Variants in NEDD4 observed in about 807,000 individuals in gnomAD.
The protein encoded by NEDD4 is NEDD4 E3 ubiquitin protein ligase.
NEDD4 carries 99 observed loss-of-function variants against 144.9 expected under a neutral mutation model. That is an observed-to-expected ratio of 0.68 (90% CI 0.58 to 0.81). The LOEUF is 0.81. Among genes scored for constraint, NEDD4 ranks in the 30% least tolerant of loss-of-function variants. NEDD4 has a pLI of 0.00. For synonymous variants in NEDD4, 318 were observed against 350.6 expected (o/e 0.91, Z 1.04); for missense variants, 985 against 1,065.9 (o/e 0.92, Z 1.06).
rs1595894595 is a variant in NEDD4 at position 55,993,507 on chromosome 15, G to A, written c.45+4C>T. The A allele has an allele frequency of 6.3e-7, 1 of 1,596,240 alleles. No individual in the cohort carries two copies. Among genetic ancestry groups the A allele is most frequent in the Middle Eastern group, 2.3e-4 (1 of 4,394 alleles). On this transcript the variant is annotated splice_donor_region_variant and intron_variant, in intron 1 of 28. Transcript: ENST00000435532. ...CCCGCCCCGCAGCCCCGCGGTCCCCGCACCTCGTCCTCCAGGAGCCCGAAC... is the reference window on the plus strand; with the variant it reads ...CCCGCCCCGCAGCCCCGCGGTCCCCACACCTCGTCCTCCAGGAGCCCGAAC...
intron 5 of NEDD4, 173 bp downstream of exon 5, chr15:55,924,473 G>A (rs1003897177): frequency 5.1e-6 from 3 of 584,780 alleles, no homozygotes; most frequent in Middle Eastern, 4.7e-4. Context: ...GAAAGGGAGC[G>A]AGTAGGACCA....
chr15:55,916,129 G>A, intron 5 of NEDD4: 1 of 1,613,886 alleles, frequency 6.2e-7, no homozygotes, highest in Non-Finnish European at 8.5e-7. Context: ...TGGACAAAAG[G>A]ATCTGTACTT....
At chr15:55,933,456 A>C (rs2036821768) in intron 4 of NEDD4, among the ~76,000 whole-genome samples, 1 of 147,148 alleles carries the variant, frequency 6.8e-6, no homozygotes, top group Non-Finnish European at 1.5e-5. Flanking sequence ...GCATGTTCTC[A>C]CTCACAGGTG....
At position 55,856,766 on chromosome 15, in the gene NEDD4, C is replaced by T. The variant is rs565783428; in HGVS notation, c.961-570G>A. ...CTTCGCAATCTACCCCCTGGACATTCCAGACTACTTGTTTCCTGGAAATCT... is the reference window on the plus strand; with the variant it reads ...CTTCGCAATCTACCCCCTGGACATTTCAGACTACTTGTTTCCTGGAAATCT... On this transcript the variant is annotated intron_variant, in intron 11 of 28. Transcript: ENST00000435532. Among the ~76,000 whole-genome samples the T allele has an allele frequency of 2.0e-5, 3 of 152,184 alleles. No individual in the cohort carries two copies. The South Asian group carries it at 6.2e-4, about 32-fold the overall frequency.
chr15:55,993,402 A>C, intron 1 of NEDD4, 109 bp downstream of exon 1: 2 of 1,365,810 alleles, frequency 1.5e-6, no homozygotes, highest in Non-Finnish European at 2.0e-6. Flanking sequence ...CCGAGGGAGG[A>C]GGGGCTGACA....
chr15:55,853,012 A>C (rs1471750075), intron 12 of NEDD4, among the ~76,000 whole-genome samples: 1 of 152,102 alleles, frequency 6.6e-6, no homozygotes, highest in Non-Finnish European at 1.5e-5. Flanking sequence ...GGCCTCCCCA[A>C]AGTGCTGGGA....
intron 4 of NEDD4, among the ~76,000 whole-genome samples, chr15:55,943,809 G>A (rs72734327): frequency 0.13 from 20,419 of 152,116 alleles, 1,500 homozygotes; most frequent in East Asian, 0.32. Flanking sequence ...CCCCAGAATG[G>A]GAGATTGACT....
intron 17 of NEDD4, 65 bp from the exon 18 acceptor site, chr15:55,847,099 T>C (rs2033782592): frequency 3.6e-6 from 4 of 1,099,660 alleles, no homozygotes; most frequent in Non-Finnish European, 5.4e-6. Context: ...ACAATTTTTA[T>C]TTGTTGTATT....
chr15:55,884,603 A>T (rs1555399561), intron 5 of NEDD4, among the ~76,000 whole-genome samples: 1 of 152,110 alleles, frequency 6.6e-6, no homozygotes, highest in Non-Finnish European at 1.5e-5. Flanking sequence ...AAAGAGATTA[A>T]AATAATTAAA....
At chr15:55,838,449 A>G (rs1263941099) in intron 22 of NEDD4, 60 bp downstream of exon 22, 8 of 1,156,338 alleles carry the variant, frequency 6.9e-6, no homozygotes, top group African/African-American at 1.5e-5. Flanking sequence ...TGTACGTATT[A>G]ACATCTAAAC....
At chr15:55,860,854 G>A in intron 9 of NEDD4, 76 bp from the exon 10 acceptor site, 1 of 1,319,228 alleles carries the variant, frequency 7.6e-7, no homozygotes, top group Non-Finnish European at 1.1e-6. Context: ...TGTGATCATT[G>A]GGAAAAAAAT....
At chr15:55,832,517 C>A (rs1371393741) in intron 27 of NEDD4, among the ~76,000 whole-genome samples, 1 of 152,128 alleles carries the variant, frequency 6.6e-6, no homozygotes, top group Non-Finnish European at 1.5e-5. Flanking sequence ...TGGGTTCAAG[C>A]AATTCTCCTG....
At chr15:55,977,961 G>C (rs2037733867) in intron 1 of NEDD4, among the ~76,000 whole-genome samples, 1 of 152,152 alleles carries the variant, frequency 6.6e-6, no homozygotes, top group Non-Finnish European at 1.5e-5. Context: ...TTTCTCTCAA[G>C]TGGTAAAGTA....
intron 5 of NEDD4, among the ~76,000 whole-genome samples, chr15:55,900,729 C>T (rs1028726258): frequency 1.1e-4 from 17 of 152,030 alleles, no homozygotes; most frequent in African/African-American, 4.1e-4. Flanking sequence ...CAAAGAGTAA[C>T]TATATAAATG....
chr15:55,851,477 T>C (rs773588134), intron 13 of NEDD4, among the ~76,000 whole-genome samples: 3 of 151,582 alleles, frequency 2.0e-5, no homozygotes, highest in Non-Finnish European at 4.4e-5. Context: ...TACATTTTCT[T>C]TTCTGTTTTT....
intron 5 of NEDD4, among the ~76,000 whole-genome samples, chr15:55,889,224 G>T (rs1488576146): frequency 6.6e-6 from 1 of 152,148 alleles, no homozygotes; most frequent in Non-Finnish European, 1.5e-5. Context: ...CTAGGTATAT[G>T]CCCAAAAGAA....
rs200667839 is a variant in NEDD4, at chr15:55,945,507, G to C, written c.237+5869C>G. ...CAAAGAAAGCCTCCAAGAAATATGG[G>C]ACTATGTGAAAAGACCAACTCTATG... is the stretch of plus-strand genomic sequence containing the variant. On this transcript the variant is annotated intron_variant, in intron 4 of 28. Coordinates refer to ENST00000435532, the MANE Select transcript of NEDD4 (RefSeq NM_006154.4). 9.9e-5 allele frequency among the ~76,000 whole-genome samples: 15 copies of C among 152,188 alleles called. 1 individual carries two copies. The East Asian group carries it at 2.7e-3, about 27-fold the overall frequency.
chr15:55,848,572 C>T lies in NEDD4; in HGVS notation c.1432G>A (p.Gly478Arg), dbSNP rs745633827. 1.2e-6 allele frequency: 2 copies of T among 1,612,492 alleles called. No individual in the cohort carries two copies. Among genetic ancestry groups the T allele is most frequent in the Admixed American group, 3.3e-5 (2 of 60,014 alleles). Residue 478 changes from glycine (G) to arginine (R), a missense_variant, in exon 16 of 29, where the codon GGA becomes AGA. By Grantham distance (125) the Gly-to-Arg change is moderately radical (BLOSUM62 -2). Transcript: ENST00000435532. ...TCTGTGTGAGTTCTCTCTTCCCATC[C>T]TGGCTATAATTAAAAATGTATTTCA... ...TSNDLGPLPPGWEERTHTDGR... is the reference protein window; with the variant it reads ...TSNDLGPLPPRWEERTHTDGR...
intron 4 of NEDD4, among the ~76,000 whole-genome samples, chr15:55,950,277 T>C (rs2037214526): frequency 6.6e-6 from 1 of 152,220 alleles, no homozygotes; most frequent in African/African-American, 2.4e-5. Flanking sequence ...GGGGAAAATC[T>C]TACTCCAAAC....
Sources: allele counts gnomAD v4.1 joint callset (sites outside exome capture counted in the v4.1 genomes callset), GRCh38; gene constraint gnomAD v4.1.1; transcripts MANE v1.5; gene names NCBI Gene and HGNC (gene_info 2026-07-23, HGNC 2026-07-21).